RAPGEF3: variants seen among roughly 807,000 people sequenced by gnomAD.
RAPGEF3 encodes the protein Rap guanine nucleotide exchange factor 3.
RAPGEF3 carries 103 observed loss-of-function variants against 129.8 expected under a neutral mutation model. The observed-to-expected ratio is 0.79, with a 90% CI of 0.68 to 0.93. The LOEUF (loss-of-function observed/expected upper bound fraction) is 0.93, where lower values mean the gene tolerates loss of function less well. Among genes scored for constraint, RAPGEF3 ranks in the 40% least tolerant of loss-of-function variants. The probability of loss-of-function intolerance (pLI) is 0.00; values close to 1 mark genes in which losing one functional copy is unlikely to be tolerated. For synonymous variants in RAPGEF3, 436 were observed against 482.6 expected (o/e 0.90, Z 1.26); for missense variants, 1,117 against 1,207.4 (o/e 0.93, Z 1.11).
At chr12:47,744,364 C>G (rs1941317657) in intron 16 of RAPGEF3, 3 of 370,754 alleles carry the variant, frequency 8.1e-6, no homozygotes, top group Non-Finnish European at 1.5e-5. Context: ...CCTTCAGCTG[C>G]TGACTTTGGT....
intron 17 of RAPGEF3, 92 bp from the exon 18 acceptor site, chr12:47,743,768 A>T (rs1941283298): frequency 1.3e-6 from 2 of 1,519,900 alleles, no homozygotes; most frequent in Middle Eastern, 1.7e-4. Flanking sequence ...GGTGGGAGGG[A>T]TCCCCAAGAG....
chr12:47,749,551 C>G lies in RAPGEF3; in HGVS notation c.895-15G>C. On this transcript the variant is annotated splice_polypyrimidine_tract_variant and intron_variant, in intron 9 of 27. Transcript: ENST00000449771. The surrounding 1 kb of genome is among the most constrained non-coding windows in gnomAD (Gnocchi z 4.5). ...GTCACCAGCCCCTGCAGCCAGGCCT[C>G]AGTCTCAGCCCGCCCCTGCCGCCCC... The G allele has an allele frequency of 6.2e-7, 1 of 1,605,598 alleles. No individual in the cohort carries two copies. Among genetic ancestry groups the G allele is most frequent in the Non-Finnish European group, 8.5e-7 (1 of 1,179,190 alleles).
Position 47,748,479 on chromosome 12 carries a change from T to G in RAPGEF3, c.1218A>C (p.Pro406=), listed in dbSNP as rs867633837. 1.2e-6 allele frequency: 2 copies of G among 1,613,818 alleles called. No individual in the cohort carries two copies. Among genetic ancestry groups the G allele is most frequent in the Admixed American group, 3.3e-5 (2 of 60,014 alleles). Residue 406 remains proline (P), a synonymous_variant, in exon 12 of 28, where the codon CCA becomes CCC. Coordinates refer to ENST00000449771, the MANE Select transcript of RAPGEF3 (RefSeq NM_001098531.4). ...ILELLLEAMG[P]DSSAHDPTET... is the part of the protein sequence containing the mutation. ...CTGTTGGGTCATGAGCACTGGAATC[T>G]GGTCCCATGGCCTCCAACAGAAGCT...
intron 21 of RAPGEF3, 43 bp downstream of exon 21, chr12:47,740,599 G>A (rs752058691): frequency 3.0e-5 from 10 of 329,040 alleles, no homozygotes; most frequent in Admixed American, 1.8e-4. Flanking sequence ...AAAGGTAGCC[G>A]GGGGGACTCT....
At chr12:47,739,766 G>A (rs1941031406) in intron 23 of RAPGEF3, 1 of 394,738 alleles carries the variant, frequency 2.5e-6, no homozygotes, top group Non-Finnish European at 4.7e-6. Flanking sequence ...GGGCAGACAG[G>A]CCCTGGTGCA....
intron 6 of RAPGEF3, among the ~76,000 whole-genome samples, 191 bp downstream of exon 6, chr12:47,750,857 G>C (rs1415485176): frequency 6.6e-6 from 1 of 152,170 alleles, no homozygotes; most frequent in South Asian, 2.1e-4. Flanking sequence ...GACTTGGGGG[G>C]GTTTGGGAGT....
chr12:47,739,982 A>T, intron 23 of RAPGEF3, 159 bp downstream of exon 23: 2 of 852,344 alleles, frequency 2.3e-6, no homozygotes, highest in Non-Finnish European at 1.9e-6. Context: ...CCCCAAACTC[A>T]CAGGCTGGAG....
rs1188049415 is a variant in RAPGEF3 at position 47,744,132 on chromosome 12, G to A, written c.1597-64C>T. The A allele has an allele frequency of 1.2e-5, 17 of 1,362,056 alleles. No homozygotes were observed. The East Asian group carries it at 2.7e-4, about 21-fold the overall frequency. The allele number at this position is 1,362,056 out of a possible 1,614,324, so 84.4% of individuals were successfully genotyped here. Reference sequence around the variant, plus strand: ...CATGAGAGGAGACCGTGGAGGGAGGGATTGTGAGGTCCCTGTGTCACCAGG... The same window carrying A: ...CATGAGAGGAGACCGTGGAGGGAGGAATTGTGAGGTCCCTGTGTCACCAGG... On this transcript the variant is annotated intron_variant, in intron 16 of 27. Transcript: ENST00000449771.
chr12:47,744,032 CGTCCTG>C lies in RAPGEF3; in HGVS notation c.1627_1632del (p.Gln543_Asp544del). On this transcript the variant is annotated inframe_deletion, in exon 17 of 28. Coordinates refer to ENST00000449771, the MANE Select transcript of RAPGEF3 (RefSeq NM_001098531.4). ...GCACAGCTGCTGCCAGGAAGGGGCT[CGTCCTG>C]GTTGGGGAGCCAAACAGGCAAGTTC... 4.3e-6 allele frequency: 7 copies of C among 1,612,282 alleles called. No homozygotes were observed. The highest frequency in any genetic ancestry group is 5.9e-6 in the Non-Finnish European group (7 of 1,178,416).
At chr12:47,752,723 CAT>C (rs1940360708) in intron 2 of RAPGEF3, 1 of 152,786 alleles carries the variant, frequency 6.5e-6, no homozygotes, top group African/African-American at 2.4e-5. Context: ...GTTGTATGCA[CAT>C]GTTAGCTAGT....
Position 47,740,305 on chromosome 12 carries a change from C to T in RAPGEF3, c.2322G>A (p.Glu774=), listed in dbSNP as rs745968910. ...SAISRLAHTW[E]RLPHKVRKLY... ...AGGGGGCCCTCCAGACCACACTTAC[C>T]TCCCAGGTGTGGGCTAGGCGGCTGA... The change falls in exon 22 of 28, where the codon GAG becomes GAA. Residue 774 remains glutamate (E), a splice_region_variant and synonymous_variant. Transcript: ENST00000449771. 3 of 1,613,960 alleles carry T rather than the reference C, an allele frequency of 1.9e-6. No individual in the cohort carries two copies. Among genetic ancestry groups the T allele is most frequent in the Non-Finnish European group, 8.5e-7 (1 of 1,179,868 alleles).
chr12:47,747,400 C>T, intron 15 of RAPGEF3, 144 bp downstream of exon 15: 1 of 754,400 alleles, frequency 1.3e-6, no homozygotes. Flanking sequence ...GGGTGAACAG[C>T]AAGGGGACTG....
chr12:47,743,923 C>T (rs1332741186), intron 17 of RAPGEF3, 64 bp downstream of exon 17: 21 of 1,506,928 alleles, frequency 1.4e-5, no homozygotes, highest in Non-Finnish European at 1.9e-5. Flanking sequence ...GACAGCAGGA[C>T]AAGAGAGGCA....
chr12:47,749,747 A>T lies in RAPGEF3; in HGVS notation c.888T>A (p.His296Gln). 1 of 1,614,186 alleles carries T rather than the reference A, an allele frequency of 6.2e-7. No individual in the cohort carries two copies. Among genetic ancestry groups the T allele is most frequent in the Middle Eastern group, 1.6e-4 (1 of 6,062 alleles). Residue 296 changes from histidine (H) to glutamine (Q), a missense_variant, in exon 9 of 28, where the codon CAT (histidine) becomes CAA (glutamine). Around this residue, in one of 3 missense-constraint regions of RAPGEF3, gnomAD observed 107 missense variants for 160.7 expected, o/e 0.67. Transcript: ENST00000449771. This position sits in a 1 kb window ranked among gnomAD's most constrained non-coding sequence, Gnocchi z 4.5. ...GGGAGGAGGGAGGGCTCACCTTGCC[A>T]TGGGTCACCACGTTGACAGATCCCT... ...IWKGSVNVVT[H>Q]GKGLVTTLHE...
chr12:47,749,859 C>T lies in RAPGEF3; in HGVS notation c.818-42G>A. ...TCAGACCGGGCCCTCCTGGCACCTA[C>T]CATTCCTTCACACATCCTTCTGCCC... On this transcript the variant is annotated intron_variant, in intron 8 of 27. Transcript: ENST00000449771. This position sits in a 1 kb window ranked among gnomAD's most constrained non-coding sequence, Gnocchi z 4.5. 6.2e-7 allele frequency: 1 copy of T among 1,613,998 alleles called. No individual in the cohort carries two copies. Among genetic ancestry groups the T allele is most frequent in the Non-Finnish European group, 8.5e-7 (1 of 1,179,814 alleles).
intron 27 of RAPGEF3, 112 bp from the exon 28 acceptor site, chr12:47,737,797 C>A: frequency 8.8e-7 from 1 of 1,139,958 alleles, no homozygotes; most frequent in African/African-American, 1.5e-5. Context: ...ACCCACCAAC[C>A]ACTTCCCATC....
In RAPGEF3 at chr12:47,748,055, C is replaced by T. The variant is rs1941527447; in HGVS notation, c.1322+19G>A. 2 of 1,567,864 alleles carry T rather than the reference C, an allele frequency of 1.3e-6. No individual in the cohort carries two copies. The highest frequency in any genetic ancestry group is 1.7e-6 in the Non-Finnish European group (2 of 1,152,772). On this transcript the variant is annotated intron_variant, in intron 13 of 27. Transcript: ENST00000449771. ...ATCCTATCCCCATGCACACCATCCC[C>T]CTGGAGCTGGAAGGATATTGGTGCA...
chr12:47,741,545 TCA>T lies in RAPGEF3; in HGVS notation c.1881_1882del (p.Asn627LysfsTer13). On this transcript the variant is annotated frameshift_variant, in exon 19 of 28. Transcript: ENST00000449771. LOFTEE classifies it high-confidence loss of function. ...CTGTGGGTTGACAACAAAGAGACGC[TCA>T]TTGAGCCCCAGAGATGTGGCCACAC... 1 of 1,614,032 alleles carries T rather than the reference TCA, an allele frequency of 6.2e-7. No homozygotes were observed.
chr12:47,758,777 TG>T lies in RAPGEF3; in HGVS notation c.-222del. 3 of 803,582 alleles carry T rather than the reference TG, an allele frequency of 3.7e-6. No homozygotes were observed. The highest frequency in any genetic ancestry group is 3.1e-6 in the Non-Finnish European group (2 of 643,428). 49.8% of individuals were successfully genotyped at this position (803,582 alleles called of 1,614,324 possible). A position where few individuals can be genotyped will look rare whatever the true frequency, so the allele number is the denominator to read the frequency against. ...GGTGAGTAGAGGGGTGGGGGCGTGG[TG>T]GGGGGACGCCACCCAGCCACCGGCG... On this transcript the variant is annotated 5_prime_UTR_variant, in exon 1 of 28. Transcript: ENST00000449771.
Sources: allele counts gnomAD v4.1 joint callset (sites outside exome capture counted in the v4.1 genomes callset), GRCh38; gene constraint gnomAD v4.1.1; regional missense constraint gnomAD v4.1.1; non-coding constraint Gnocchi (gnomAD v3.1); transcripts MANE v1.5; gene names NCBI Gene and HGNC (gene_info 2026-07-23, HGNC 2026-07-21).